PRUNE2: variants seen among roughly 807,000 people sequenced by gnomAD.
The protein encoded by PRUNE2 is protein prune homolog 2.
PRUNE2 carries 164 observed loss-of-function variants against 252.0 expected under a neutral mutation model. That is an observed-to-expected ratio of 0.65 (90% CI 0.57 to 0.74). PRUNE2 has a LOEUF of 0.74. Among genes scored for constraint, PRUNE2 ranks in the 30% least tolerant of loss-of-function variants. The probability of loss-of-function intolerance (pLI) is 0.00; values close to 1 mark genes in which losing one functional copy is unlikely to be tolerated. For synonymous variants in PRUNE2, 1,292 were observed against 1,350.2 expected, an observed-to-expected ratio of 0.96 and a Z score of 0.94; for missense variants, 3,495 against 3,711.0, an observed-to-expected ratio of 0.94 and a Z score of 1.51.
chr9:76,823,383 G>A, intron 6 of PRUNE2: 1 of 449,202 alleles, frequency 2.2e-6, no homozygotes, highest in Non-Finnish European at 4.0e-6. Context: ...CTGAGTGTTT[G>A]TTTTAGGCTT....
At chr9:76,687,550 TG>T in intron 9 of PRUNE2, 1 of 256,256 alleles carries the variant, frequency 3.9e-6, no homozygotes, top group South Asian at 3.7e-5. Context: ...ATATCAAGAT[TG>T]TTCTAGTAAT....
At chr9:76,750,991 AT>A (rs756305434) in intron 6 of PRUNE2, among the ~76,000 whole-genome samples, 19 of 152,210 alleles carry the variant, frequency 1.2e-4, no homozygotes, top group Non-Finnish European at 2.5e-4. Flanking sequence ...AAGTATAAAG[AT>A]TAAGGAAAGA....
intron 18 of PRUNE2, chr9:76,615,332 G>A (rs757931147): frequency 1.1e-4 from 69 of 646,274 alleles, no homozygotes; most frequent in Non-Finnish European, 1.0e-4. Flanking sequence ...TTTGCAAAGG[G>A]TGATTTGGCA....
intron 3 of PRUNE2, among the ~76,000 whole-genome samples, chr9:76,846,919 T>C (rs913367820): frequency 6.6e-6 from 1 of 152,246 alleles, no homozygotes; most frequent in African/African-American, 2.4e-5. Flanking sequence ...TCCTGTGCTG[T>C]GCTCTTGGAA....
chr9:76,863,532 C>T (rs1227167491), intron 1 of PRUNE2, among the ~76,000 whole-genome samples: 1 of 152,102 alleles, frequency 6.6e-6, no homozygotes, highest in East Asian at 1.9e-4. Context: ...CAATAAAAAA[C>T]TATTTTGTTT....
chr9:76,801,188 A>G (rs377244172), intron 6 of PRUNE2, among the ~76,000 whole-genome samples: 5 of 152,388 alleles, frequency 3.3e-5, no homozygotes, highest in Middle Eastern at 3.4e-3. Context: ...GTTTCTACAC[A>G]TGACAGTATT....
At position 76,711,316 on chromosome 9, in the gene PRUNE2, G is replaced by A. The variant is rs777776174; in HGVS notation, c.958C>T (p.Leu320=). The A allele has an allele frequency of 2.5e-6, 4 of 1,613,638 alleles. No individual in the cohort carries two copies. Among genetic ancestry groups the A allele is most frequent in the Non-Finnish European group, 3.4e-6 (4 of 1,179,792 alleles). ...TCACAGCCACAGTCAAAGGGCTCCA[G>A]TTCTAGGCAAGGGTTCTGACACTCT... ...LEECQNPCLE[L]EPFDCGCDEI... is the part of the protein sequence containing the mutation. Residue 320 remains leucine, a synonymous_variant, in exon 8 of 19, where the codon CTG becomes TTG. Coordinates refer to ENST00000376718, the MANE Select transcript of PRUNE2 (RefSeq NM_015225.3).
intron 1 of PRUNE2, among the ~76,000 whole-genome samples, chr9:76,880,841 TTTATG>T (rs1444387028): frequency 6.6e-6 from 1 of 152,216 alleles, no homozygotes; most frequent in Non-Finnish European, 1.5e-5. Context: ...ATGAAACATG[TTTATG>T]TTATTTTTAA....
At chr9:76,889,323 T>C (rs188992522) in intron 1 of PRUNE2, among the ~76,000 whole-genome samples, 290 of 136,586 alleles carry the variant, frequency 2.1e-3, no homozygotes, top group South Asian at 0.015. Context: ...GCTCTCTGCA[T>C]GGTGGCGTGA....
At chr9:76,642,848 T>G (rs958066181) in intron 12 of PRUNE2, among the ~76,000 whole-genome samples, 4 of 152,098 alleles carry the variant, frequency 2.6e-5, no homozygotes, top group Admixed American at 2.0e-4. Flanking sequence ...AAGTTCCGGA[T>G]GGGTGCAGCC....
rs151006243 is a variant in PRUNE2, at chr9:76,826,663, G to C, written c.578C>G (p.Ser193Cys). 5.6e-5 allele frequency: 90 copies of C among 1,612,160 alleles called. 1 individual carries two copies. The African/African-American group carries it at 9.6e-4, about 17-fold the overall frequency. ...GTTAGGAAATTTTTCTTCCAGGATA[G>C]AAAGAATTTCCTCCTGCTTCTCTGA... The part of the protein sequence containing the change: ...KISEKQEEIL[S>C]ILEEKFPNLP... Residue 193 changes from serine (S) to cysteine (C), a missense_variant, in exon 5 of 19, where the codon TCT becomes TGT. Physicochemically the swap from Ser to Cys is moderately radical, Grantham distance 112 (BLOSUM62 -1). Coordinates refer to ENST00000376718, the MANE Select transcript of PRUNE2 (RefSeq NM_015225.3).
rs1319314615 is a variant in PRUNE2 at position 76,705,932 on chromosome 9, C to T, written c.6342G>A (p.Lys2114=). 2 of 1,614,004 alleles carry T rather than the reference C, an allele frequency of 1.2e-6. No individual in the cohort carries two copies. Among genetic ancestry groups the T allele is most frequent in the Non-Finnish European group, 8.5e-7 (1 of 1,179,906 alleles). Residue 2114 remains lysine (K), a synonymous_variant, in exon 8 of 19, where the codon AAG becomes AAA. Coordinates refer to ENST00000376718, the MANE Select transcript of PRUNE2 (RefSeq NM_015225.3). ...CACTGAGGTGCTTCTCAGTCTCTTG[C>T]TTTGCTTCAGAATCGTGACATATAT... is the stretch of plus-strand genomic sequence containing the variant. ...SPDICHDSEA[K]QETEKHLSAC...
chr9:76,872,226 C>G (rs1188826968), intron 1 of PRUNE2, among the ~76,000 whole-genome samples: 1 of 152,168 alleles, frequency 6.6e-6, no homozygotes, highest in Non-Finnish European at 1.5e-5. Context: ...CCACCGCATC[C>G]CCTCCCTGAG....
At chr9:76,669,924 C>T (rs1489398971) in intron 9 of PRUNE2, among the ~76,000 whole-genome samples, 1 of 152,170 alleles carries the variant, frequency 6.6e-6, no homozygotes, top group African/African-American at 2.4e-5. Flanking sequence ...GAAGCATCTA[C>T]CCCAACTGCC....
intron 6 of PRUNE2, among the ~76,000 whole-genome samples, chr9:76,744,306 G>A (rs1588973012): frequency 2.6e-5 from 4 of 152,324 alleles, no homozygotes; most frequent in African/African-American, 9.6e-5. Context: ...CTAGATGAGT[G>A]ACTAGGGAGA....
intron 17 of PRUNE2, among the ~76,000 whole-genome samples, chr9:76,624,042 G>A (rs1224414988): frequency 2.0e-5 from 3 of 152,142 alleles, no homozygotes; most frequent in South Asian, 2.1e-4. Flanking sequence ...ATAGAAGGCC[G>A]TGAAATTGAT....
chr9:76,616,510 A>G lies in PRUNE2; in HGVS notation c.9237-1910T>C, dbSNP rs528735404. Among the ~76,000 whole-genome samples the G allele has an allele frequency of 2.6e-5, 4 of 152,300 alleles. No homozygotes were observed. In the South Asian group the frequency reaches 8.3e-4, roughly 32 times the overall value. On this transcript the variant is annotated intron_variant, in intron 18 of 18. Transcript: ENST00000376718. ...AATAGTCTTGGAAGCTTAAAAGAAC[A>G]TGGTCACCTTGTTTCACCATCGGGC...
chr9:76,859,721 G>A (rs900898153), intron 1 of PRUNE2, among the ~76,000 whole-genome samples: 1 of 141,748 alleles, frequency 7.1e-6, no homozygotes, highest in Admixed American at 7.0e-5. Context: ...TTGTTTGTTT[G>A]TTTTGAGACA....
At chr9:76,635,110 T>C (rs530119403) in intron 15 of PRUNE2, among the ~76,000 whole-genome samples, 6 of 152,148 alleles carry the variant, frequency 3.9e-5, no homozygotes, top group Non-Finnish European at 7.4e-5. Context: ...GCTGGGACTA[T>C]AGGCACACCA....
Sources: allele counts gnomAD v4.1 joint callset (sites outside exome capture counted in the v4.1 genomes callset), GRCh38; gene constraint gnomAD v4.1.1; transcripts MANE v1.5; gene names NCBI Gene and HGNC (gene_info 2026-07-23, HGNC 2026-07-21).